KDM4C: variants seen among roughly 807,000 people sequenced by gnomAD.
KDM4C encodes lysine-specific demethylase 4C.
Under a neutral mutation model 129.3 loss-of-function variants are expected in KDM4C, and 81 were observed. The ratio of observed to expected loss-of-function variants is 0.63; its 90% confidence interval spans 0.52 to 0.75. KDM4C has a LOEUF of 0.75. KDM4C is among the 30% of genes least tolerant of loss of function. KDM4C has a pLI of 0.00. For missense variants in KDM4C, 1,457 were observed against 1,304.0 expected, an observed-to-expected ratio of 1.12 and a Z score of -1.81; for synonymous variants, 573 against 456.1, an observed-to-expected ratio of 1.26 and a Z score of -3.26.
chr9:6,931,659 C>G (rs1056020794), intron 8 of KDM4C, among the ~76,000 whole-genome samples: 1 of 152,106 alleles, frequency 6.6e-6, no homozygotes, highest in Non-Finnish European at 1.5e-5. Context: ...TGCCACCACA[C>G]CCAGCTAATT....
intron 4 of KDM4C, among the ~76,000 whole-genome samples, chr9:6,845,874 A>G (rs1392712839): frequency 1.3e-5 from 2 of 152,198 alleles, no homozygotes; most frequent in Admixed American, 1.3e-4. Context: ...TTTGTCTGTG[A>G]ACTTGGGCTG....
rs763252218 is a variant in KDM4C at position 7,011,726 on chromosome 9, G to T, written c.1815G>T (p.Glu605Asp). 1 of 1,614,120 alleles carries T rather than the reference G, an allele frequency of 6.2e-7. No individual in the cohort carries two copies. Residue 605 changes from glutamate to aspartate, a missense_variant, in exon 13 of 22, where the codon GAG (glutamate) becomes GAT (aspartate). Physicochemically the swap from Glu to Asp is conservative, Grantham distance 45. Transcript: ENST00000381309. Reference protein sequence around the residue: ...EELPEVLSIEEEVEETESWAK... With the variant: ...EELPEVLSIEDEVEETESWAK... ...TGCCTGAGGTTCTGTCCATTGAGGA[G>T]GAAGTGGAAGAAACAGAGTCTTGGG...
intron 20 of KDM4C, among the ~76,000 whole-genome samples, chr9:7,166,930 C>T (rs1340437829): frequency 6.6e-6 from 1 of 152,128 alleles, no homozygotes; most frequent in Non-Finnish European, 1.5e-5. Flanking sequence ...AGCCAAGTGG[C>T]CTTTTGAGAT....
chr9:6,895,631 G>A (rs1468430197), intron 8 of KDM4C, among the ~76,000 whole-genome samples: 3 of 152,190 alleles, frequency 2.0e-5, no homozygotes, highest in African/African-American at 7.2e-5. Flanking sequence ...GGCTGGGGCA[G>A]TAGCTCATGC....
At chr9:6,822,753 G>T (rs1411890211) in intron 4 of KDM4C, among the ~76,000 whole-genome samples, 1 of 152,200 alleles carries the variant, frequency 6.6e-6, no homozygotes, top group Non-Finnish European at 1.5e-5. Flanking sequence ...ATAAAAGAGG[G>T]ACTGAGAGAA....
chr9:6,840,084 T>C (rs1384057271), intron 4 of KDM4C, among the ~76,000 whole-genome samples: 2 of 151,496 alleles, frequency 1.3e-5, no homozygotes, highest in East Asian at 1.9e-4. Context: ...ATTTCCTCTT[T>C]TTTTTTGGAG....
At chr9:7,068,168 G>A (rs1165659894) in intron 17 of KDM4C, among the ~76,000 whole-genome samples, 2 of 152,094 alleles carry the variant, frequency 1.3e-5, no homozygotes, top group African/African-American at 4.8e-5. Flanking sequence ...GTTAGATTTA[G>A]GAGTCTTTAA....
At chr9:6,864,440 A>G (rs981774608) in intron 5 of KDM4C, among the ~76,000 whole-genome samples, 1 of 152,154 alleles carries the variant, frequency 6.6e-6, no homozygotes. Context: ...TCCTTTCTTT[A>G]TCTTTGACCT....
At chr9:7,070,569 C>T (rs908064967) in intron 17 of KDM4C, among the ~76,000 whole-genome samples, 4 of 152,042 alleles carry the variant, frequency 2.6e-5, no homozygotes, top group African/African-American at 9.7e-5. Flanking sequence ...TTTTTAAAAT[C>T]AATCAATGTA....
At chr9:7,074,552 T>C (rs1833651743) in intron 17 of KDM4C, among the ~76,000 whole-genome samples, 1 of 152,214 alleles carries the variant, frequency 6.6e-6, no homozygotes, top group Non-Finnish European at 1.5e-5. Context: ...AAATGATGTT[T>C]GACCACGTTA....
At chr9:7,170,211 G>A in intron 21 of KDM4C, 5 of 1,208,314 alleles carry the variant, frequency 4.1e-6, no homozygotes, top group Non-Finnish European at 5.2e-6. Flanking sequence ...TACCATCAAG[G>A]CATTTGCAAT....
At chr9:7,163,460 A>T (rs1182569253) in intron 19 of KDM4C, among the ~76,000 whole-genome samples, 1 of 152,096 alleles carries the variant, frequency 6.6e-6, no homozygotes, top group Non-Finnish European at 1.5e-5. Context: ...AAAGGCTAAG[A>T]GGGGGTGAAG....
chr9:6,799,292 G>T (rs34189080), intron 2 of KDM4C, among the ~76,000 whole-genome samples: 1 of 152,244 alleles, frequency 6.6e-6, no homozygotes, highest in African/African-American at 2.4e-5. Context: ...ACTGAGTTAA[G>T]GAGACTCTGT....
intron 18 of KDM4C, 92 bp downstream of exon 18, chr9:7,103,962 G>A (rs1837397799): frequency 2.7e-6 from 3 of 1,119,894 alleles, no homozygotes; most frequent in East Asian, 2.5e-5. Flanking sequence ...GCTTTATTCT[G>A]TAATATGACT....
chr9:6,783,012 G>T (rs993087401), intron 1 of KDM4C, among the ~76,000 whole-genome samples: 2 of 152,184 alleles, frequency 1.3e-5, no homozygotes, highest in East Asian at 3.9e-4. Flanking sequence ...GAGAGGGTAG[G>T]CTTGGGAAGG....
intron 15 of KDM4C, among the ~76,000 whole-genome samples, chr9:7,021,608 G>T (rs1241972922): frequency 6.6e-6 from 1 of 152,100 alleles, no homozygotes; most frequent in Non-Finnish European, 1.5e-5. Flanking sequence ...CCCTTTCTGT[G>T]GGTTGTCTCT....
Position 6,893,256 on chromosome 9 carries a change from G to T in KDM4C, c.921+24G>T, listed in dbSNP as rs375123656. ...TGGTAAGCTATGCCTCAAAAATAAA[G>T]CAAAAATTAAATGTGTATTCTGGTT... On this transcript the variant is annotated intron_variant, in intron 8 of 21. Coordinates refer to ENST00000381309, the MANE Select transcript of KDM4C (RefSeq NM_015061.6). The T allele has an allele frequency of 3.7e-5, 59 of 1,588,338 alleles. No homozygotes were observed. The African/African-American group carries it at 7.1e-4, about 19-fold the overall frequency.
At chr9:6,865,008 C>CTTTT (rs777981928) in intron 5 of KDM4C, among the ~76,000 whole-genome samples, 22,350 of 125,876 alleles carry the variant, frequency 0.18, 2,462 homozygotes, top group Non-Finnish European at 0.26. Flanking sequence ...AAATTTCTTT[C>CTTTT]TTTTTTTTTT....
At chr9:6,880,757 A>G (rs1008244060) in intron 6 of KDM4C, among the ~76,000 whole-genome samples, 15 of 152,130 alleles carry the variant, frequency 9.9e-5, no homozygotes, top group Middle Eastern at 3.2e-3. Flanking sequence ...GTGTGTGTAG[A>G]CAATGCCAAT....
Sources: allele counts gnomAD v4.1 joint callset (sites outside exome capture counted in the v4.1 genomes callset), GRCh38; gene constraint gnomAD v4.1.1; transcripts MANE v1.5; gene names NCBI Gene and HGNC (gene_info 2026-07-23, HGNC 2026-07-21).